The following GRHL3 variants were observed in gnomAD, a reference collection of about 807,000 sequenced individuals.
GRHL3 encodes grainyhead-like protein 3 homolog.
A neutral mutation model predicts 70.3 loss-of-function variants in GRHL3; 20 were observed. The ratio of observed to expected loss-of-function variants is 0.28; its 90% CI spans 0.20 to 0.41. GRHL3 has a LOEUF of 0.41. GRHL3 is among the 10% of genes least tolerant of loss of function. GRHL3 has a pLI of 1.00. For missense variants in GRHL3, 637 were observed against 762.3 expected (o/e 0.84, Z 1.94); for synonymous variants, 299 against 299.9 (o/e 1.00, Z 0.03).
At chr1:24,351,712 A>G (rs1430796498) in intron 15 of GRHL3, among the ~76,000 whole-genome samples, 2 of 152,044 alleles carry the variant, frequency 1.3e-5, no homozygotes, top group East Asian at 3.9e-4. Context: ...CCCCAGCCCC[A>G]CTGGCTGAGT....
At chr1:24,356,279 GTCGCCCAGGCT>G (rs1263403076), downstream of GRHL3, among the ~76,000 whole-genome samples, 4 of 151,392 alleles carry the variant, frequency 2.6e-5, no homozygotes, top group Admixed American at 2.6e-4. Flanking sequence ...GTCTGGCTCT[GTCGCCCAGGCT>G]GGAGTGGAGT....
chr1:24,342,851 T>C lies in GRHL3; in HGVS notation c.1286-41T>C, dbSNP rs752871717. On this transcript the variant is annotated intron_variant, in intron 10 of 15. Coordinates refer to ENST00000361548, the MANE Select transcript of GRHL3 (RefSeq NM_198173.3). The surrounding 1 kb of genome is among the most constrained non-coding windows in gnomAD (Gnocchi z 4.8). ...AGACCAGAGGTGGGAGGGACTTGAG[T>C]GGAGGGACCTCGGGGCACATTGGCT... is the stretch of plus-strand genomic sequence containing the variant. 1.2e-6 allele frequency: 2 copies of C among 1,613,784 alleles called. No homozygotes were observed. Among genetic ancestry groups the C allele is most frequent in the Non-Finnish European group, 1.7e-6 (2 of 1,179,938 alleles).
intron 1 of GRHL3, among the ~76,000 whole-genome samples, chr1:24,323,476 T>C (rs1478290474): frequency 4.6e-5 from 7 of 152,126 alleles, no homozygotes; most frequent in Admixed American, 3.9e-4. Context: ...TGACCTGCAG[T>C]GTAGTTGCTG....
At chr1:24,357,713 G>A (rs908539226), downstream of GRHL3, 9 of 167,018 alleles carry the variant, frequency 5.4e-5, no homozygotes, top group East Asian at 1.7e-4. Flanking sequence ...CACCCACCGC[G>A]AATCTGTGCA....
chr1:24,353,635 G>A (rs1640602081), intron 15 of GRHL3, among the ~76,000 whole-genome samples: 1 of 152,114 alleles, frequency 6.6e-6, no homozygotes, highest in Non-Finnish European at 1.5e-5. Context: ...TCAGAAGACA[G>A]CAGGGAAGGG....
At chr1:24,360,602 G>A (rs1641040920) in intron 15 of GRHL3, among the ~76,000 whole-genome samples, 5 of 152,108 alleles carry the variant, frequency 3.3e-5, no homozygotes, top group Admixed American at 3.3e-4. Flanking sequence ...GACTATCTTT[G>A]AATCTTTTAG....
At chr1:24,333,801 C>T (rs185693766) in intron 2 of GRHL3, among the ~76,000 whole-genome samples, 23 of 152,246 alleles carry the variant, frequency 1.5e-4, no homozygotes, top group Admixed American at 5.2e-4. Context: ...GGTGATGATA[C>T]TAGTAGACAT....
Position 24,336,768 on chromosome 1 carries a change from G to T in GRHL3, c.553G>T (p.Gly185Trp). ...SLNSLFESIH[G>W]VPPTQRWQPD... is the part of the protein sequence containing the mutation. ...CAACTCCTTGTTTGAGAGCATTCAT[G>T]GGGTGCCGCCCACACAGCGCTGGCA... Residue 185 changes from glycine to tryptophan, a missense_variant, in exon 4 of 16, where the codon GGG becomes TGG. Coordinates refer to ENST00000361548, the MANE Select transcript of GRHL3 (RefSeq NM_198173.3). 6.2e-7 allele frequency: 1 copy of T among 1,613,728 alleles called. No homozygotes were observed. Among genetic ancestry groups the T allele is most frequent in the Non-Finnish European group, 8.5e-7 (1 of 1,179,858 alleles).
At chr1:24,358,534 G>A (rs774237692), downstream of GRHL3, 3 of 1,610,802 alleles carry the variant, frequency 1.9e-6, no homozygotes, top group East Asian at 2.2e-5. Flanking sequence ...TTGACCTTGT[G>A]TGACATCCCT....
Position 24,337,299 on chromosome 1 carries a change from A to T in GRHL3, c.686+148A>T. 4.7e-6 allele frequency: 3 copies of T among 632,160 alleles called. No homozygotes were observed. In the South Asian group the frequency reaches 5.9e-5, roughly 12 times the overall value. 39.2% of individuals were successfully genotyped at this position (632,160 alleles called of 1,614,324 possible). A position where few individuals can be genotyped will look rare whatever the true frequency, so the allele number is the denominator to read the frequency against. On this transcript the variant is annotated intron_variant, in intron 5 of 15. Coordinates refer to ENST00000361548, the MANE Select transcript of GRHL3 (RefSeq NM_198173.3). ...CAGATAGATAGAGGGAGACAGAATG[A>T]TTCCCACATCCTGTCCCCGGGCTGT...
chr1:24,328,203 T>C (rs1219757469), intron 1 of GRHL3, among the ~76,000 whole-genome samples: 1 of 152,258 alleles, frequency 6.6e-6, no homozygotes, highest in Admixed American at 6.5e-5. Context: ...AATGCTTTAC[T>C]GTGTAGTCCG....
chr1:24,319,644 G>C (rs1192794276), intron 1 of GRHL3, 76 bp downstream of exon 1: 7 of 1,611,656 alleles, frequency 4.3e-6, no homozygotes, highest in Middle Eastern at 1.7e-4. Context: ...GGGGAAGAGC[G>C]GGGAGGCCGG....
At chr1:24,327,840 C>A (rs1639453174) in intron 1 of GRHL3, among the ~76,000 whole-genome samples, 1 of 152,226 alleles carries the variant, frequency 6.6e-6, no homozygotes, top group Non-Finnish European at 1.5e-5. Context: ...CCTACTGGCT[C>A]CTCAATCCTT....
At chr1:24,357,541 T>A (rs1324733814), downstream of GRHL3, 1 of 154,078 alleles carries the variant, frequency 6.5e-6, no homozygotes, top group Admixed American at 6.4e-5. Context: ...GTGATTACAG[T>A]GTGCAGTCAA....
Position 24,322,985 on chromosome 1 carries a change from G to GAGC in GRHL3, c.17+3421_17+3423dup. On this transcript the variant is annotated intron_variant, in intron 1 of 15. Transcript: ENST00000361548. This position sits in a 1 kb window ranked among gnomAD's most constrained non-coding sequence, Gnocchi z 4.4. ...CTGGGATCTTAACCGGGTCTTAGCC[G>GAGC]AGCAGCCATAGGCCACCCCGCTTCC... The GAGC allele has an allele frequency of 9.1e-7, 1 of 1,100,714 alleles. No homozygotes were observed. The highest frequency in any genetic ancestry group is 1.4e-5 in the South Asian group (1 of 72,746). The allele number at this position is 1,100,714 out of a possible 1,614,324, so 68.2% of individuals were successfully genotyped here.
Position 24,347,516 on chromosome 1 carries a change from T to C in GRHL3, c.1592T>C (p.Met531Thr). The C allele has an allele frequency of 6.2e-7, 1 of 1,614,166 alleles. No individual in the cohort carries two copies. The highest frequency in any genetic ancestry group is 8.5e-7 in the Non-Finnish European group (1 of 1,180,006). ...RETEEVFDALMLKTPDLKGLR... is the reference protein window; with the variant it reads ...RETEEVFDALTLKTPDLKGLR... ...ACTGAGGAGGTGTTTGACGCGCTCA[T>C]GTTGAAGACCCCAGACCTGAAGGGG... The change falls in exon 14 of 16, where the codon ATG becomes ACG. Residue 531 changes from methionine (M) to threonine (T), a missense_variant. Met to Thr is a moderately conservative substitution (Grantham distance 81, BLOSUM62 -1). Coordinates refer to ENST00000361548, the MANE Select transcript of GRHL3 (RefSeq NM_198173.3).
downstream of GRHL3, among the ~76,000 whole-genome samples, chr1:24,359,528 G>A (rs1030750694): frequency 4.6e-5 from 7 of 152,190 alleles, no homozygotes; most frequent in African/African-American, 1.7e-4. The surrounding 1 kb of genome is among the most constrained non-coding windows in gnomAD (Gnocchi z 5.3). Context: ...CCAAAGCTAG[G>A]AGAATGACCT....
At chr1:24,343,132 G>C in intron 11 of GRHL3, 107 bp downstream of exon 11, 1 of 1,300,216 alleles carries the variant, frequency 7.7e-7, no homozygotes, top group Non-Finnish European at 1.1e-6. Flanking sequence ...CCCTCAGCCA[G>C]TTTCAAGACC....
At chr1:24,338,150 A>G (rs1639899099) in intron 7 of GRHL3, 47 bp downstream of exon 7, 1 of 1,260,002 alleles carries the variant, frequency 7.9e-7, no homozygotes, top group East Asian at 2.4e-5. Context: ...CTCTCTCCCC[A>G]CCCCCGCATC....
Sources: allele counts gnomAD v4.1 joint callset (sites outside exome capture counted in the v4.1 genomes callset), GRCh38; gene constraint gnomAD v4.1.1; non-coding constraint Gnocchi (gnomAD v3.1); transcripts MANE v1.5; gene names NCBI Gene and HGNC (gene_info 2026-07-23, HGNC 2026-07-21).